TAS2R1: variants seen among roughly 807,000 people sequenced by gnomAD.
TAS2R1 encodes taste receptor type 2 member 1.
For missense variants in TAS2R1, 370 were observed against 353.4 expected (o/e 1.05, Z -0.38); for synonymous variants, 141 against 134.2 (o/e 1.05, Z -0.35).
At chr5:9,652,447 C>T (rs1740325953) in intron 2 of TAS2R1, among the ~76,000 whole-genome samples, 1 of 152,158 alleles carries the variant, frequency 6.6e-6, no homozygotes, top group Admixed American at 6.5e-5. Flanking sequence ...TACCCAGTTA[C>T]TATCGTCATC....
chr5:9,860,324 T>C, the TAS2R1 span, among the ~76,000 whole-genome samples: 1 of 152,314 alleles, frequency 6.6e-6, no homozygotes, highest in Non-Finnish European at 1.5e-5. Flanking sequence ...TCTCAGCCTG[T>C]GCTGCCTCCC....
chr5:9,782,801 T>C, the TAS2R1 span, among the ~76,000 whole-genome samples: 1 of 152,142 alleles, frequency 6.6e-6, no homozygotes, highest in Non-Finnish European at 1.5e-5. Flanking sequence ...AATCTACTTA[T>C]AAAAAGCATT....
chr5:9,671,785 A>C (rs1740764404), intron 1 of TAS2R1, among the ~76,000 whole-genome samples: 1 of 152,182 alleles, frequency 6.6e-6, no homozygotes, highest in South Asian at 2.1e-4. Flanking sequence ...ACTAGAAAAA[A>C]AACTATTTTA....
the TAS2R1 span, among the ~76,000 whole-genome samples, chr5:9,857,541 T>C: frequency 6.6e-6 from 1 of 152,190 alleles, no homozygotes; most frequent in Non-Finnish European, 1.5e-5. Flanking sequence ...CTGTGTAGCA[T>C]ACCTGTACAT....
Position 9,711,838 on chromosome 5 carries a change from A to AT in TAS2R1, c.-242+333dup, listed in dbSNP as rs34825763. On this transcript the variant is annotated intron_variant, in intron 1 of 2. Transcript: ENST00000506620. Reference sequence around the variant, plus strand: ...CTACCACACCTGGCTAATTTTTTGTATTTTTTTAGTAGAGTTGGGGTTTCG... The same window carrying AT: ...CTACCACACCTGGCTAATTTTTTGTATTTTTTTTAGTAGAGTTGGGGTTTCG... 2.5e-3 allele frequency among the ~76,000 whole-genome samples: 376 copies of AT among 150,952 alleles called. 1 individual carries two copies. Among genetic ancestry groups the AT allele is most frequent in the African/African-American group, 4.1e-3 (169 of 41,042 alleles).
the TAS2R1 span, among the ~76,000 whole-genome samples, chr5:9,752,293 A>G: frequency 2.0e-5 from 3 of 152,154 alleles, no homozygotes; most frequent in Non-Finnish European, 1.5e-5. Context: ...CTGTCTTGTC[A>G]GCCAATGTTA....
At chr5:9,829,366 G>A in the TAS2R1 span, among the ~76,000 whole-genome samples, 1 of 152,044 alleles carries the variant, frequency 6.6e-6, no homozygotes, top group Non-Finnish European at 1.5e-5. Flanking sequence ...CACAGAAGGG[G>A]GAAAAGAATC....
chr5:9,903,077 C>A, the TAS2R1 span, among the ~76,000 whole-genome samples: 2 of 151,964 alleles, frequency 1.3e-5, no homozygotes, highest in Non-Finnish European at 2.9e-5. Flanking sequence ...AGCATTTATC[C>A]TTTGAGTTAC....
chr5:9,690,757 A>C (rs1456711797), intron 1 of TAS2R1, among the ~76,000 whole-genome samples: 1 of 152,020 alleles, frequency 6.6e-6, no homozygotes, highest in Non-Finnish European at 1.5e-5. Flanking sequence ...CACACGAAAT[A>C]AGGGGCAACA....
Position 9,659,218 on chromosome 5 carries a change from G to T in TAS2R1, c.-81+203C>A, listed in dbSNP as rs147055818. ...CACCCTACACCCGTGTGACCCAGGG[G>T]AGCACAGGGACCCCATGAACTACTC... On this transcript the variant is annotated intron_variant, in intron 2 of 2. Transcript: ENST00000506620. Among the ~76,000 whole-genome samples the T allele has an allele frequency of 4.6e-3, 703 of 152,246 alleles. 1 individual carries two copies. Among genetic ancestry groups the T allele is most frequent in the African/African-American group, 0.017 (687 of 41,526 alleles).
the TAS2R1 span, among the ~76,000 whole-genome samples, chr5:9,889,150 G>A: frequency 6.6e-6 from 1 of 152,204 alleles, no homozygotes; most frequent in African/African-American, 2.4e-5. Context: ...AGGGAGGCAG[G>A]CAGCTACTGA....
the TAS2R1 span, among the ~76,000 whole-genome samples, chr5:9,829,056 A>G: frequency 6.6e-6 from 1 of 152,230 alleles, no homozygotes; most frequent in Non-Finnish European, 1.5e-5. Flanking sequence ...AGCATGGATG[A>G]TAATCAACAA....
chr5:9,711,698 C>T (rs1734667904), intron 1 of TAS2R1, among the ~76,000 whole-genome samples: 1 of 152,112 alleles, frequency 6.6e-6, no homozygotes, highest in South Asian at 2.1e-4. Context: ...AATGGAGTCT[C>T]ACTCTGTGGC....
At chr5:9,810,895 G>C in the TAS2R1 span, among the ~76,000 whole-genome samples, 1 of 152,104 alleles carries the variant, frequency 6.6e-6, no homozygotes, top group Admixed American at 6.5e-5. Flanking sequence ...CCACACCAGA[G>C]AAAGCTCCTA....
At chr5:9,751,017 G>T in the TAS2R1 span, among the ~76,000 whole-genome samples, 2 of 151,628 alleles carry the variant, frequency 1.3e-5, no homozygotes, top group Non-Finnish European at 2.9e-5. Context: ...CTACTGGCCA[G>T]CCCAGAAATG....
chr5:9,769,292 T>C, the TAS2R1 span, among the ~76,000 whole-genome samples: 4 of 152,234 alleles, frequency 2.6e-5, no homozygotes, highest in African/African-American at 7.2e-5. Context: ...TGCACATATG[T>C]ACCATGTTTT....
At chr5:9,777,827 G>T in the TAS2R1 span, among the ~76,000 whole-genome samples, 1 of 151,776 alleles carries the variant, frequency 6.6e-6, no homozygotes, top group Non-Finnish European at 1.5e-5. Context: ...GAAGACATTA[G>T]TCTCCTTGTA....
the TAS2R1 span, among the ~76,000 whole-genome samples, chr5:9,860,496 A>G: frequency 2.0e-5 from 3 of 152,222 alleles, no homozygotes; most frequent in Admixed American, 1.3e-4. Flanking sequence ...ATAACAAGCT[A>G]AAGAATCAGG....
intron 2 of TAS2R1, among the ~76,000 whole-genome samples, chr5:9,657,214 A>G (rs1157048253): frequency 6.6e-6 from 1 of 152,106 alleles, no homozygotes; most frequent in Non-Finnish European, 1.5e-5. Flanking sequence ...TATGATCCTG[A>G]TATTTCCTAG....
Sources: allele counts gnomAD v4.1 joint callset (sites outside exome capture counted in the v4.1 genomes callset), GRCh38; gene constraint gnomAD v4.1.1; transcripts MANE v1.5; gene names NCBI Gene and HGNC (gene_info 2026-07-23, HGNC 2026-07-21).